The following PUDP variants were observed in gnomAD, a reference collection of about 807,000 sequenced individuals.
PUDP encodes the protein pseudouridine 5'-phosphatase, also known as pseudouridine-5'-phosphatase.
In PUDP, 8 loss-of-function variants were observed where a neutral mutation model predicts 9.4. That is an observed-to-expected ratio of 0.85 (90% CI 0.50 to 1.53). The LOEUF (loss-of-function observed/expected upper bound fraction) is 1.53. PUDP is among the 40% of genes most tolerant of loss of function. The probability of loss-of-function intolerance (pLI) is 0.00; values close to 1 mark genes in which losing one functional copy is unlikely to be tolerated. For synonymous variants in PUDP, 99 were observed against 80.7 expected (o/e 1.23, Z -1.22); for missense variants, 188 against 189.7 (o/e 0.99, Z 0.05).
chrX:6,724,615 A>G (rs1924718718), upstream of PUDP, among the ~76,000 whole-genome samples: 1 of 110,594 alleles, frequency 9.0e-6, no homozygotes, highest in Non-Finnish European at 1.9e-5. Context: ...TGATTTCAGG[A>G]CTTATCTTAA....
chrX:6,836,758 G>T (rs189239263), intron 3 of PUDP, among the ~76,000 whole-genome samples: 1 of 112,059 alleles, frequency 8.9e-6, no homozygotes, highest in East Asian at 2.8e-4. Flanking sequence ...TCCTTTTGTC[G>T]TGTAAGAAAA....
At chrX:6,903,952 ATT>A (rs1194475715) in intron 3 of PUDP, among the ~76,000 whole-genome samples, 92 of 80,329 alleles carry the variant, frequency 1.1e-3, no homozygotes, top group Admixed American at 1.7e-3. Flanking sequence ...ATATATATAT[ATT>A]TATTTTTTTT....
intron 1 of PUDP, among the ~76,000 whole-genome samples, chrX:7,141,395 C>A (rs1175054468): frequency 8.8e-6 from 1 of 113,163 alleles, no homozygotes; most frequent in African/African-American, 3.2e-5. Context: ...CAAACCAGCA[C>A]AACATTCCCT....
At chrX:7,071,991 A>G (rs1280179086) in intron 3 of PUDP, among the ~76,000 whole-genome samples, 1 of 110,801 alleles carries the variant, frequency 9.0e-6, no homozygotes, top group Admixed American at 9.6e-5. Flanking sequence ...CGGTTTCACT[A>G]TGTTTCCCAG....
At chrX:6,981,870 T>C (rs750399094) in intron 1 of PUDP, among the ~76,000 whole-genome samples, 78 of 110,713 alleles carry the variant, frequency 7.0e-4, no homozygotes, top group Admixed American at 6.4e-3. Context: ...TTGGTGCACA[T>C]CTGCTGGATG....
At chrX:6,970,343 A>G (rs1928853855) in intron 3 of PUDP, among the ~76,000 whole-genome samples, 1 of 112,167 alleles carries the variant, frequency 8.9e-6, no homozygotes, top group South Asian at 3.7e-4. Flanking sequence ...GAATGCAATG[A>G]CTATCTGCAA....
chrX:6,880,224 C>G (rs970314054), intron 3 of PUDP, among the ~76,000 whole-genome samples: 25 of 110,218 alleles, frequency 2.3e-4, no homozygotes, highest in Non-Finnish European at 4.4e-4. Context: ...TACACTGTAT[C>G]CAATGTGTAG....
At chrX:6,928,712 T>C (rs1445739554) in intron 3 of PUDP, among the ~76,000 whole-genome samples, 1 of 110,897 alleles carries the variant, frequency 9.0e-6, no homozygotes, top group Non-Finnish European at 1.9e-5. Context: ...CTGGGTAACA[T>C]GGTGAGACCC....
At chrX:7,083,903 C>CAAAA (rs1172053109) in intron 2 of PUDP, among the ~76,000 whole-genome samples, 1 of 91,579 alleles carries the variant, frequency 1.1e-5, no homozygotes. Context: ...ACAACAACAA[C>CAAAA]AAAAAAAAAA....
intron 3 of PUDP, among the ~76,000 whole-genome samples, chrX:6,876,151 A>G (rs1927248609): frequency 8.9e-6 from 1 of 111,845 alleles, no homozygotes; most frequent in African/African-American, 3.2e-5. Flanking sequence ...TGCCCATACA[A>G]CCATTCTGTT....
At chrX:6,979,275 C>T (rs1300008263) in intron 1 of PUDP, among the ~76,000 whole-genome samples, 3 of 110,986 alleles carry the variant, frequency 2.7e-5, no homozygotes, top group African/African-American at 6.6e-5. Context: ...TTTTGTTTAG[C>T]TCCTCGAATT....
chrX:7,123,324 CAG>C (rs1932395004), intron 1 of PUDP, among the ~76,000 whole-genome samples: 1 of 111,759 alleles, frequency 8.9e-6, no homozygotes, highest in Non-Finnish European at 1.9e-5. Flanking sequence ...TACATAGGAG[CAG>C]AGGTTTGTGA....
At chrX:6,895,384 CT>C (rs1294319949) in intron 3 of PUDP, among the ~76,000 whole-genome samples, 1 of 90,553 alleles carries the variant, frequency 1.1e-5, no homozygotes, top group African/African-American at 3.7e-5. Flanking sequence ...ATTTATTATA[CT>C]ATTACTATTT....
intron 1 of PUDP, among the ~76,000 whole-genome samples, chrX:7,127,846 A>C (rs1209234149): frequency 2.7e-5 from 3 of 112,476 alleles, no homozygotes; most frequent in Non-Finnish European, 3.7e-5. Flanking sequence ...TTATAAACTT[A>C]TTATGTTTAA....
intron 3 of PUDP, among the ~76,000 whole-genome samples, chrX:6,747,655 C>T (rs1307410814): frequency 8.9e-6 from 1 of 112,100 alleles, no homozygotes; most frequent in Non-Finnish European, 1.9e-5. Flanking sequence ...TCATAATACT[C>T]GGTAAAAATT....
chrX:6,752,082 C>T, intron 3 of PUDP, among the ~76,000 whole-genome samples: 1 of 111,401 alleles, frequency 9.0e-6, no homozygotes, highest in Non-Finnish European at 1.9e-5. Flanking sequence ...CAAGGGACCT[C>T]CCACCTGCTA....
At chrX:6,887,121 A>T (rs1462286981) in intron 3 of PUDP, among the ~76,000 whole-genome samples, 2 of 84,929 alleles carry the variant, frequency 2.4e-5, no homozygotes, top group African/African-American at 7.8e-5. Context: ...ATTATATGAT[A>T]TATAAGTATA....
chrX:6,817,369 C>T (rs1210508303), intron 3 of PUDP, among the ~76,000 whole-genome samples: 1 of 111,483 alleles, frequency 9.0e-6, no homozygotes, highest in Non-Finnish European at 1.9e-5. Context: ...CACCATGCCC[C>T]GCCTTAAGCC....
intron 2 of PUDP, among the ~76,000 whole-genome samples, chrX:7,079,557 CTAT>C (rs990952821): frequency 1.8e-5 from 2 of 112,360 alleles, no homozygotes; most frequent in Non-Finnish European, 3.8e-5. Context: ...AAGAAATATC[CTAT>C]TATAAGGATA....
Sources: gnomAD v4.1 joint callset for allele counts (sites outside exome capture counted in the v4.1 genomes callset) on GRCh38, gnomAD v4.1.1 for gene constraint, MANE v1.5 for transcripts, NCBI Gene and HGNC (gene_info 2026-07-23, HGNC 2026-07-21) for gene names.